The following SYNPR variants were observed in gnomAD, a reference collection of about 807,000 sequenced individuals.
SYNPR encodes the protein synaptoporin.
In SYNPR, 23 loss-of-function variants were observed where a neutral mutation model predicts 32.9. That is an observed-to-expected ratio of 0.70 (90% confidence interval 0.50 to 0.99). SYNPR has a LOEUF of 0.99. Ranked by LOEUF, SYNPR falls within the 50% of genes least tolerant of loss-of-function variation. The pLI, the probability that SYNPR is intolerant of heterozygous loss-of-function variation, is 0.00. For missense variants in SYNPR, 318 were observed against 349.3 expected, an observed-to-expected ratio of 0.91 and a Z score of 0.71; for synonymous variants, 146 against 135.9, an observed-to-expected ratio of 1.07 and a Z score of -0.52.
chr3:63,458,828 CCTAA>C (rs1337069411), intron 2 of SYNPR, among the ~76,000 whole-genome samples: 2 of 152,094 alleles, frequency 1.3e-5, no homozygotes, highest in Non-Finnish European at 2.9e-5. Flanking sequence ...TCAAAACAGG[CCTAA>C]CTATTGTCTC....
intron 1 of SYNPR, among the ~76,000 whole-genome samples, chr3:63,236,176 T>C (rs2086199114): frequency 6.6e-6 from 1 of 152,064 alleles, no homozygotes; most frequent in Non-Finnish European, 1.5e-5. Context: ...GTCAAAAATT[T>C]GTTGGGTCTT....
At chr3:63,430,722 G>A (rs80336846) in intron 2 of SYNPR, among the ~76,000 whole-genome samples, 2,538 of 152,246 alleles carry the variant, frequency 0.017, 31 homozygotes, top group Non-Finnish European at 0.026. Flanking sequence ...CCTAGATTCA[G>A]AGCTTATTTT....
intron 2 of SYNPR, among the ~76,000 whole-genome samples, chr3:63,465,791 T>C (rs774419800): frequency 1.2e-4 from 19 of 152,198 alleles, no homozygotes; most frequent in Non-Finnish European, 1.6e-4. Flanking sequence ...TCATCAAATA[T>C]CTACACATTT....
chr3:63,251,424 A>G (rs1172316398), intron 1 of SYNPR, among the ~76,000 whole-genome samples: 1 of 152,168 alleles, frequency 6.6e-6, no homozygotes, highest in African/African-American at 2.4e-5. Context: ...CAGGGGTTCA[A>G]GAGTGGGAGG....
chr3:63,207,052 C>G, the SYNPR span, among the ~76,000 whole-genome samples: 1 of 152,130 alleles, frequency 6.6e-6, no homozygotes, highest in Non-Finnish European at 1.5e-5. Flanking sequence ...AAGTTTGGTT[C>G]CTGATGTTTC....
chr3:63,474,524 T>TG (rs1218570642), intron 2 of SYNPR, among the ~76,000 whole-genome samples: 1 of 152,158 alleles, frequency 6.6e-6, no homozygotes, highest in Non-Finnish European at 1.5e-5. Context: ...TGAAGGTCCC[T>TG]GGCCCAAGTG....
chr3:63,397,672 A>G (rs1310973901), intron 2 of SYNPR, among the ~76,000 whole-genome samples: 1 of 152,130 alleles, frequency 6.6e-6, no homozygotes, highest in Non-Finnish European at 1.5e-5. Context: ...AAGACTACCA[A>G]TTTTGGCATT....
intron 3 of SYNPR, among the ~76,000 whole-genome samples, chr3:63,498,653 C>T (rs1241923647): frequency 1.3e-5 from 2 of 151,966 alleles, no homozygotes; most frequent in Non-Finnish European, 2.9e-5. Context: ...GGGAAGAGGC[C>T]TGGTGTGGTA....
At chr3:63,358,595 G>A (rs1309452217) in intron 2 of SYNPR, among the ~76,000 whole-genome samples, 2 of 150,638 alleles carry the variant, frequency 1.3e-5, no homozygotes, top group Admixed American at 1.3e-4. Flanking sequence ...TCTTTAGGGA[G>A]CTATTATTCT....
At chr3:63,257,068 T>C (rs906791381) in intron 2 of SYNPR, among the ~76,000 whole-genome samples, 2 of 152,160 alleles carry the variant, frequency 1.3e-5, no homozygotes, top group Admixed American at 6.5e-5. Context: ...TATGGGACTA[T>C]GTGAAAAGAC....
chr3:63,538,014 G>C (rs1161506749), intron 3 of SYNPR, among the ~76,000 whole-genome samples: 1 of 151,872 alleles, frequency 6.6e-6, no homozygotes, highest in East Asian at 1.9e-4. Flanking sequence ...GCCTCTGGTG[G>C]ATAAATTTAA....
chr3:63,489,340 G>A (rs900290517), intron 3 of SYNPR, among the ~76,000 whole-genome samples: 2 of 152,102 alleles, frequency 1.3e-5, no homozygotes, highest in Non-Finnish European at 2.9e-5. Context: ...AATTCCCTGG[G>A]ACTGCATGCA....
intron 4 of SYNPR, among the ~76,000 whole-genome samples, chr3:63,586,426 T>G (rs1575724573): frequency 6.6e-6 from 1 of 152,072 alleles, no homozygotes; most frequent in South Asian, 2.1e-4. Context: ...ATTTAGTCAC[T>G]TAAAAAGTCA....
At chr3:63,203,415 A>G in the SYNPR span, 2 of 152,268 alleles carry the variant, frequency 1.3e-5, no homozygotes, top group African/African-American at 4.8e-5. Context: ...ATGGACCTGA[A>G]GCCCAGACAG....
At chr3:63,613,030 T>C (rs1700224216) in intron 5 of SYNPR, among the ~76,000 whole-genome samples, 1 of 151,478 alleles carries the variant, frequency 6.6e-6, no homozygotes, top group Non-Finnish European at 1.5e-5. Context: ...GGAGGTGCAG[T>C]GGTGCAATCA....
intron 2 of SYNPR, among the ~76,000 whole-genome samples, chr3:63,452,384 C>T (rs9817598): frequency 0.017 from 2,587 of 152,176 alleles, 68 homozygotes; most frequent in African/African-American, 0.059. Flanking sequence ...GTGACAGGCA[C>T]GGATCCAAGT....
chr3:63,536,882 A>G (rs1464909761), intron 3 of SYNPR, among the ~76,000 whole-genome samples: 3 of 152,170 alleles, frequency 2.0e-5, no homozygotes, highest in South Asian at 4.1e-4. Flanking sequence ...GTTTCTATAA[A>G]ATTTTCAGAA....
chr3:63,457,067 G>C (rs1039655974), intron 2 of SYNPR, among the ~76,000 whole-genome samples: 1 of 152,052 alleles, frequency 6.6e-6, no homozygotes, highest in Non-Finnish European at 1.5e-5. Context: ...AGCTTTGCCT[G>C]TTTCTCCCTA....
At chr3:63,484,566 G>C (rs1268520878) in intron 3 of SYNPR, among the ~76,000 whole-genome samples, 1 of 152,126 alleles carries the variant, frequency 6.6e-6, no homozygotes, top group African/African-American at 2.4e-5. Context: ...ATGGAGAAGG[G>C]TCAGAATGAT....
Sources: allele counts gnomAD v4.1 joint callset (sites outside exome capture counted in the v4.1 genomes callset), GRCh38; gene constraint gnomAD v4.1.1; transcripts MANE v1.5; gene names NCBI Gene and HGNC (gene_info 2026-07-23, HGNC 2026-07-21).